PRRG1: variants seen among roughly 807,000 people sequenced by gnomAD.
PRRG1 encodes proline rich and Gla domain 1, also known as transmembrane gamma-carboxyglutamic acid protein 1.
Under a neutral mutation model 11.8 loss-of-function variants are expected in PRRG1, and 5 were observed. That is an observed-to-expected ratio of 0.42 (90% CI 0.22 to 0.89). PRRG1 has a LOEUF of 0.89. Among genes scored for constraint, PRRG1 ranks in the 40% least tolerant of loss-of-function variants. The pLI is 0.28. For synonymous variants in PRRG1, 66 were observed against 60.4 expected, an observed-to-expected ratio of 1.09 and a Z score of -0.43; for missense variants, 155 against 166.1, an observed-to-expected ratio of 0.93 and a Z score of 0.37.
At chrX:37,355,346 G>A (rs782659628) in intron 1 of PRRG1, among the ~76,000 whole-genome samples, 21 of 111,535 alleles carry the variant, frequency 1.9e-4, no homozygotes, top group African/African-American at 6.5e-4. Context: ...TCAGGGTGTG[G>A]GATCTAGGCA....
chrX:37,389,045 C>T (rs1373183891), intron 1 of PRRG1, among the ~76,000 whole-genome samples: 2 of 112,118 alleles, frequency 1.8e-5, no homozygotes, highest in African/African-American at 6.5e-5. Flanking sequence ...CAAAGTTCCA[C>T]AGATCCCTAG....
chrX:37,442,686 A>G (rs1478841959), intron 3 of PRRG1, among the ~76,000 whole-genome samples: 1 of 111,034 alleles, frequency 9.0e-6, no homozygotes, highest in Non-Finnish European at 1.9e-5. Flanking sequence ...AAATAAGCAA[A>G]TGATAACTTT....
In PRRG1 at chrX:37,452,407, G is replaced by A. The variant is rs145707814; in HGVS notation, c.172-729G>A. ...ACCAGGTTTCATAACTAGTAATTGG[G>A]TCAAGTTTCCTTTTTATCTTTTAAA... On this transcript the variant is annotated intron_variant, in intron 3 of 3. Transcript: ENST00000378628. Among the ~76,000 whole-genome samples, 6 of 111,816 alleles carry A rather than the reference G, an allele frequency of 5.4e-5. No homozygotes were observed. In the East Asian group the frequency reaches 1.4e-3, roughly 26 times the overall value.
intron 1 of PRRG1, among the ~76,000 whole-genome samples, chrX:37,390,454 CAACAGTATGGA>C (rs2146553766): frequency 9.0e-6 from 1 of 111,645 alleles, no homozygotes; most frequent in South Asian, 3.8e-4. Context: ...CAATTACATG[CAACAGTATGGA>C]TGAATCTCAC....
intron 1 of PRRG1, among the ~76,000 whole-genome samples, chrX:37,400,584 A>G (rs184949034): frequency 7.2e-5 from 8 of 111,847 alleles, no homozygotes; most frequent in Non-Finnish European, 1.5e-4. Flanking sequence ...TAGAAAAGCA[A>G]GAGCAAACAC....
chrX:37,388,597 A>G (rs1931414328), intron 1 of PRRG1, among the ~76,000 whole-genome samples: 1 of 113,222 alleles, frequency 8.8e-6, no homozygotes, highest in Admixed American at 9.2e-5. Flanking sequence ...AGCTGGAGCA[A>G]CTGCGATGTC....
At chrX:37,431,862 G>A (rs1932830747) in intron 3 of PRRG1, among the ~76,000 whole-genome samples, 1 of 109,133 alleles carries the variant, frequency 9.2e-6, no homozygotes. Flanking sequence ...TTGCCTCCCA[G>A]GTTCAAGTGA....
intron 3 of PRRG1, chrX:37,441,698 A>G (rs1474730785): frequency 2.9e-5 from 23 of 795,164 alleles, no homozygotes; most frequent in Non-Finnish European, 3.5e-5. Flanking sequence ...TTCCTGCGCC[A>G]GTTGCACAAG....
intron 1 of PRRG1, among the ~76,000 whole-genome samples, chrX:37,374,644 G>A (rs782436133): frequency 5.4e-5 from 6 of 110,740 alleles, no homozygotes; most frequent in African/African-American, 9.8e-5. Context: ...ATCTGTCTTC[G>A]AGTTCACTTA....
At chrX:37,442,130 G>A in intron 3 of PRRG1, 2 of 758,157 alleles carry the variant, frequency 2.6e-6, no homozygotes, top group Non-Finnish European at 3.1e-6. Context: ...CCACCAGGCG[G>A]GGGCGTGCAT....
intron 1 of PRRG1, among the ~76,000 whole-genome samples, chrX:37,383,338 T>G (rs183599547): frequency 8.3e-4 from 91 of 110,198 alleles, no homozygotes; most frequent in African/African-American, 3.1e-3. Context: ...AAGTCTTTAT[T>G]GAACATGTAA....
At chrX:37,371,329 C>A (rs1251974339) in intron 1 of PRRG1, among the ~76,000 whole-genome samples, 1 of 112,079 alleles carries the variant, frequency 8.9e-6, no homozygotes, top group Non-Finnish European at 1.9e-5. Flanking sequence ...TGTGGGTCTC[C>A]TCTGAGCTGT....
chrX:37,406,104 A>T, intron 1 of PRRG1, 105 bp from the exon 2 acceptor site: 1 of 655,637 alleles, frequency 1.5e-6, no homozygotes, highest in Non-Finnish European at 2.3e-6. Context: ...GAATGTACTG[A>T]AATGAAATGC....
At chrX:37,368,426 T>A (rs1254309894) in intron 1 of PRRG1, among the ~76,000 whole-genome samples, 1 of 112,046 alleles carries the variant, frequency 8.9e-6, no homozygotes, top group East Asian at 2.8e-4. Flanking sequence ...TATGAATTGT[T>A]CCTCTTTATC....
intron 3 of PRRG1, among the ~76,000 whole-genome samples, chrX:37,438,383 T>C (rs781861066): frequency 9.1e-6 from 1 of 109,462 alleles, no homozygotes; most frequent in African/African-American, 3.3e-5. Context: ...GAGGTGCAGT[T>C]TACATACTAT....
intron 3 of PRRG1, among the ~76,000 whole-genome samples, chrX:37,436,138 A>G (rs1418310837): frequency 8.9e-6 from 1 of 111,791 alleles, no homozygotes; most frequent in Non-Finnish European, 1.9e-5. Flanking sequence ...TTTAGCTAAA[A>G]CCACTTAGAA....
At chrX:37,402,421 G>T (rs1296382266) in intron 1 of PRRG1, among the ~76,000 whole-genome samples, 1 of 111,650 alleles carries the variant, frequency 9.0e-6, no homozygotes, top group Non-Finnish European at 1.9e-5. Flanking sequence ...GGGAAAACTG[G>T]CTAGCGATAA....
At chrX:37,384,215 C>T (rs1006779616) in intron 1 of PRRG1, among the ~76,000 whole-genome samples, 2 of 111,364 alleles carry the variant, frequency 1.8e-5, no homozygotes, top group African/African-American at 6.5e-5. Flanking sequence ...CCTACTATCA[C>T]TGAACTGCCC....
At chrX:37,381,196 G>T (rs1556373674) in intron 1 of PRRG1, among the ~76,000 whole-genome samples, 1 of 111,450 alleles carries the variant, frequency 9.0e-6, no homozygotes, top group African/African-American at 3.3e-5. Flanking sequence ...CCTTTGGCAT[G>T]ATCATTCCAC....
Sources: gnomAD v4.1 joint callset for allele counts (sites outside exome capture counted in the v4.1 genomes callset) on GRCh38, gnomAD v4.1.1 for gene constraint, MANE v1.5 for transcripts, NCBI Gene and HGNC (gene_info 2026-07-23, HGNC 2026-07-21) for gene names.